The following AXL variants were observed in gnomAD, a reference collection of about 807,000 sequenced individuals.
AXL encodes tyrosine-protein kinase receptor UFO.
AXL carries 52 observed loss-of-function variants against 104.5 expected under a neutral mutation model. The ratio of observed to expected loss-of-function variants is 0.50; its 90% confidence interval spans 0.40 to 0.63. AXL has a LOEUF of 0.63. AXL is among the 20% of genes least tolerant of loss of function. The pLI is 0.00. For synonymous variants in AXL, 455 were observed against 473.7 expected, an observed-to-expected ratio of 0.96 and a Z score of 0.51; for missense variants, 1,024 against 1,188.5, an observed-to-expected ratio of 0.86 and a Z score of 2.04.
intron 1 of AXL, among the ~76,000 whole-genome samples, chr19:41,219,909 CCT>C (rs1380192475): frequency 2.6e-5 from 4 of 151,822 alleles, no homozygotes; most frequent in Admixed American, 6.6e-5. Context: ...ACACCACCCC[CCT>C]GACCCGCCAC....
chr19:41,244,022 A>G (rs1414520906), intron 12 of AXL, among the ~76,000 whole-genome samples: 1 of 151,842 alleles, frequency 6.6e-6, no homozygotes, highest in African/African-American at 2.4e-5. Flanking sequence ...CCTGGGCAGC[A>G]TGGTGAAACC....
intron 4 of AXL, among the ~76,000 whole-genome samples, chr19:41,226,275 G>T (rs539451210): frequency 6.6e-6 from 1 of 152,166 alleles, no homozygotes; most frequent in Admixed American, 6.5e-5. Flanking sequence ...TTCTCCGGCC[G>T]GCGGCGCCAG....
chr19:41,220,315 A>C (rs1331846574), intron 1 of AXL: 1 of 247,632 alleles, frequency 4.0e-6, no homozygotes, highest in East Asian at 9.0e-5. Context: ...CACCAGCGCG[A>C]CCTGTTAAGT....
chr19:41,258,103 G>A (rs1049339460), intron 19 of AXL, among the ~76,000 whole-genome samples: 1 of 152,232 alleles, frequency 6.6e-6, no homozygotes, highest in Admixed American at 6.5e-5. Context: ...TTCAGGGAAT[G>A]CTTACCAAAC....
At chr19:41,243,245 C>T (rs1241306522) in intron 11 of AXL, among the ~76,000 whole-genome samples, 1 of 152,186 alleles carries the variant, frequency 6.6e-6, no homozygotes, top group Admixed American at 6.5e-5. Context: ...ATGGCGAAAC[C>T]CTGTCTCTAC....
intron 14 of AXL, among the ~76,000 whole-genome samples, chr19:41,251,676 T>C (rs2034364061): frequency 6.6e-6 from 1 of 151,442 alleles, no homozygotes; most frequent in Admixed American, 6.6e-5. Context: ...TTTGCTGTGA[T>C]TGCATCCATC....
chr19:41,260,254 C>T lies in AXL; in HGVS notation c.*350C>T, dbSNP rs2034516426. 4.6e-6 allele frequency: 1 copy of T among 219,444 alleles called. No individual in the cohort carries two copies. The highest frequency in any genetic ancestry group is 8.8e-6 in the Non-Finnish European group (1 of 114,284). 13.6% of individuals were successfully genotyped at this position (219,444 alleles called of 1,614,324 possible). A position where few individuals can be genotyped will look rare whatever the true frequency, so the allele number is the denominator to read the frequency against. On this transcript the variant is annotated 3_prime_UTR_variant, in exon 20 of 20. Transcript: ENST00000301178. ...TCTTTGGTTCTAAGGACCTGAAATT[C>T]CAAAGTCTCTAATTCTATTAAAGTG...
At chr19:41,248,877 G>GAAGAGAGC (rs1299488599) in intron 14 of AXL, 57 bp downstream of exon 14, 4 of 1,508,624 alleles carry the variant, frequency 2.7e-6, no homozygotes, top group Non-Finnish European at 3.6e-6. Flanking sequence ...CCCTGAGACA[G>GAAGAGAGC]AAGAGAGCAA....
intron 6 of AXL, among the ~76,000 whole-genome samples, chr19:41,235,599 A>G (rs1599731879): frequency 6.6e-6 from 1 of 152,160 alleles, no homozygotes; most frequent in Non-Finnish European, 1.5e-5. Context: ...ACTAGGCTAA[A>G]CTGCCTCTGT....
intron 12 of AXL, 32 bp from the exon 13 acceptor site, chr19:41,248,482 C>A: frequency 6.2e-7 from 1 of 1,607,280 alleles, no homozygotes; most frequent in Non-Finnish European, 8.5e-7. Flanking sequence ...AGCCCTGCTC[C>A]ATGACTCTGT....
chr19:41,221,706 A>T lies in AXL; in HGVS notation c.410-174A>T, dbSNP rs374946769. 1.7e-3 allele frequency: 1,076 copies of T among 629,522 alleles called. 22 individuals are homozygous for T. The South Asian group carries it at 0.021, about 12-fold the overall frequency. The allele number at this position is 629,522 out of a possible 1,614,324, so 39.0% of individuals were successfully genotyped here. ...GGGTCTGACATGGGAGGAATCAGAT[A>T]TTGGGGTCACGTGTGTGTTGGGTAT... On this transcript the variant is annotated intron_variant, in intron 3 of 19. Coordinates refer to ENST00000301178, the MANE Select transcript of AXL (RefSeq NM_021913.5).
At chr19:41,246,527 C>A (rs2034273610) in intron 12 of AXL, among the ~76,000 whole-genome samples, 1 of 150,608 alleles carries the variant, frequency 6.6e-6, no homozygotes. Context: ...CATGGCAAAA[C>A]CCCATCTCTA....
At chr19:41,231,321 A>G (rs1173143259) in intron 6 of AXL, 23 bp downstream of exon 6, 1 of 1,596,014 alleles carries the variant, frequency 6.3e-7, no homozygotes, top group Non-Finnish European at 8.6e-7. Context: ...AACTTGGTTC[A>G]TTTCAGTCTC....
intron 17 of AXL, 26 bp downstream of exon 17, chr19:41,253,734 C>CG (rs751384116): frequency 1.3e-6 from 2 of 1,534,948 alleles, no homozygotes; most frequent in South Asian, 1.2e-5. Context: ...GGACCCCCCC[C>CG]CCCCAACTGC....
At chr19:41,230,383 G>T (rs997363223) in intron 4 of AXL, among the ~76,000 whole-genome samples, 1 of 151,336 alleles carries the variant, frequency 6.6e-6, no homozygotes, top group Non-Finnish European at 1.5e-5. Context: ...GTGTCTATGT[G>T]TGTGTATGAG....
Position 41,233,164 on chromosome 19 carries a change from A to G in AXL, c.783+1866A>G, listed in dbSNP as rs190818498. On this transcript the variant is annotated intron_variant, in intron 6 of 19. Coordinates refer to ENST00000301178, the MANE Select transcript of AXL (RefSeq NM_021913.5). ...ACCACCACGCCCAGCTAATTTTTGT[A>G]TTTTTAGTAGAGACAGGGTTTCACC... 2.5e-3 allele frequency among the ~76,000 whole-genome samples: 379 copies of G among 151,682 alleles called. 1 individual carries two copies. Among genetic ancestry groups the G allele is most frequent in the African/African-American group, 8.8e-3 (366 of 41,356 alleles).
intron 6 of AXL, among the ~76,000 whole-genome samples, chr19:41,237,656 C>G (rs1014433884): frequency 6.6e-6 from 1 of 152,218 alleles, no homozygotes; most frequent in African/African-American, 2.4e-5. Context: ...CTGTAAGGCA[C>G]TTGATCCTCT....
intron 14 of AXL, among the ~76,000 whole-genome samples, chr19:41,249,834 G>C (rs933577632): frequency 6.6e-6 from 1 of 151,986 alleles, no homozygotes; most frequent in Non-Finnish European, 1.5e-5. Flanking sequence ...GAAGCAGAGA[G>C]AGGGTGAAAT....
At chr19:41,257,682 AC>A (rs1470092604) in intron 19 of AXL, 53 bp downstream of exon 19, 55 of 1,608,218 alleles carry the variant, frequency 3.4e-5, no homozygotes, top group Non-Finnish European at 4.3e-5. Flanking sequence ...ACCCCTGACT[AC>A]CCCCAGATGG....
Sources: allele counts gnomAD v4.1 joint callset (sites outside exome capture counted in the v4.1 genomes callset), GRCh38; gene constraint gnomAD v4.1.1; transcripts MANE v1.5; gene names NCBI Gene and HGNC (gene_info 2026-07-23, HGNC 2026-07-21).